Variants in SPTAN1 observed in about 807,000 individuals in gnomAD.
The protein encoded by SPTAN1 is spectrin alpha, non-erythrocytic 1.
SPTAN1 carries 61 observed loss-of-function variants against 331.3 expected under a neutral mutation model. The observed-to-expected ratio is 0.18, with a 90% confidence interval of 0.15 to 0.23. The LOEUF is 0.23. Among genes scored for constraint, SPTAN1 ranks in the 10% least tolerant of loss-of-function variants. The pLI, the probability that SPTAN1 is intolerant of heterozygous loss-of-function variation, is 1.00. For synonymous variants in SPTAN1, 1,153 were observed against 1,173.9 expected (o/e 0.98, Z 0.36); for missense variants, 2,043 against 3,147.9 (o/e 0.65, Z 8.40).
intron 45 of SPTAN1, among the ~76,000 whole-genome samples, chr9:128,622,315 T>G (rs949976010): frequency 1.3e-5 from 2 of 150,264 alleles, no homozygotes; most frequent in East Asian, 3.9e-4. Flanking sequence ...TTTTTTTTTT[T>G]TGCGACGGAG....
rs552950593 is a variant in SPTAN1 at position 128,585,683 on chromosome 9, A to G, written c.2561-65A>G. On this transcript the variant is annotated intron_variant, in intron 18 of 56. Coordinates refer to ENST00000372739, the MANE Select transcript of SPTAN1 (RefSeq NM_001130438.3). ...TGCCGTGAACACACAGAGAAAACTTATTTTTGTCCTTCTGTGATGTGTCAA... is the reference window on the plus strand; with the variant it reads ...TGCCGTGAACACACAGAGAAAACTTGTTTTTGTCCTTCTGTGATGTGTCAA... The G allele has an allele frequency of 1.2e-5, 17 of 1,379,678 alleles. No individual in the cohort carries two copies. The African/African-American group carries it at 2.3e-4, about 18-fold the overall frequency. 85.5% of individuals were successfully genotyped at this position (1,379,678 alleles called of 1,614,324 possible). A position where few individuals can be genotyped will look rare whatever the true frequency, so the allele number is the denominator to read the frequency against.
intron 1 of SPTAN1, among the ~76,000 whole-genome samples, chr9:128,555,913 C>T (rs1243784529): frequency 6.6e-6 from 1 of 151,994 alleles, no homozygotes; most frequent in Non-Finnish European, 1.5e-5. Flanking sequence ...TAGAGCTTAC[C>T]TTTTCATGTT....
Position 128,557,866 on chromosome 9 carries a change from C to T in SPTAN1, c.-4+5170C>T, listed in dbSNP as rs528191002. Among the ~76,000 whole-genome samples the T allele has an allele frequency of 4.6e-4, 65 of 140,750 alleles. 1 individual carries two copies. The South Asian group carries it at 5.0e-3, about 11-fold the overall frequency. 92.3% of individuals were successfully genotyped at this position (140,750 alleles called of 152,430 possible). A position where few individuals can be genotyped will look rare whatever the true frequency, so the allele number is the denominator to read the frequency against. On this transcript the variant is annotated intron_variant, in intron 1 of 56. Coordinates refer to ENST00000372739, the MANE Select transcript of SPTAN1 (RefSeq NM_001130438.3). ...TCGCCCAGGCTGGAGTGCAGTGGCG[C>T]GATCTCGGCTCACTGCAAGCTCCGC...
intron 11 of SPTAN1, among the ~76,000 whole-genome samples, chr9:128,581,486 A>C (rs1459425181): frequency 6.6e-6 from 1 of 150,598 alleles, no homozygotes; most frequent in African/African-American, 2.4e-5. Context: ...AAAAAAAAAA[A>C]AACAAACAAA....
chr9:128,600,974 C>CTTTTT lies in SPTAN1; in HGVS notation c.3579+882_3579+886dup, dbSNP rs60290370. Reference sequence around the variant, plus strand: ...CACAGCACACAGCCAGGGAGAAAGTCTTTTTTTTTTTTTTTTTTTTTTTTT... The same window carrying CTTTTT: ...CACAGCACACAGCCAGGGAGAAAGTCTTTTTTTTTTTTTTTTTTTTTTTTTTTTTT... On this transcript the variant is annotated intron_variant, in intron 27 of 56. Transcript: ENST00000372739. Among the ~76,000 whole-genome samples the CTTTTT allele has an allele frequency of 2.0e-4, 8 of 40,866 alleles. 1 individual carries two copies. The highest frequency in any genetic ancestry group is 5.3e-4 in the African/African-American group (6 of 11,326). The allele number at this position is 40,866 out of a possible 152,430, so 26.8% of individuals were successfully genotyped here.
intron 44 of SPTAN1, among the ~76,000 whole-genome samples, chr9:128,619,323 G>A (rs1473996877): frequency 1.3e-5 from 2 of 152,194 alleles, no homozygotes; most frequent in Non-Finnish European, 2.9e-5. Flanking sequence ...TGGCACGAAC[G>A]GAGTACCACA....
chr9:128,585,631 C>T lies in SPTAN1; in HGVS notation c.2561-117C>T, dbSNP rs1589223260. On this transcript the variant is annotated intron_variant, in intron 18 of 56. Transcript: ENST00000372739. ...AAAAAAATGGAATTATGAAAGGGCA[C>T]AGCTCACCAAAACATAGTAATGAAA... 9 of 862,960 alleles carry T rather than the reference C, an allele frequency of 1.0e-5. No individual in the cohort carries two copies. In the East Asian group the frequency reaches 2.3e-4, roughly 22 times the overall value. 53.5% of individuals were successfully genotyped at this position (862,960 alleles called of 1,614,324 possible).
intron 3 of SPTAN1, among the ~76,000 whole-genome samples, chr9:128,570,360 G>A (rs1450328849): frequency 1.8e-5 from 2 of 109,704 alleles, no homozygotes; most frequent in Admixed American, 1.1e-4. Flanking sequence ...TTTTTGAGAC[G>A]AAGTTTTGCT....
At chr9:128,602,739 G>A (rs1379555784) in intron 27 of SPTAN1, among the ~76,000 whole-genome samples, 1 of 151,736 alleles carries the variant, frequency 6.6e-6, no homozygotes, top group African/African-American at 2.4e-5. Context: ...AGGTTCAAGC[G>A]ATTCTCATGC....
chr9:128,594,511 A>G (rs1015324841), intron 24 of SPTAN1, 138 bp downstream of exon 24: 7 of 804,668 alleles, frequency 8.7e-6, no homozygotes, highest in South Asian at 3.3e-5. Flanking sequence ...GCTCACTGCA[A>G]CCTCTGCCTC....
intron 3 of SPTAN1, among the ~76,000 whole-genome samples, chr9:128,572,215 T>C (rs1850807093): frequency 2.0e-5 from 3 of 152,214 alleles, no homozygotes; most frequent in Admixed American, 2.0e-4. Context: ...GCTTAATGTT[T>C]CCACCATCTG....
intron 34 of SPTAN1, 90 bp downstream of exon 34, chr9:128,608,366 G>A: frequency 2.0e-6 from 3 of 1,509,382 alleles, no homozygotes; most frequent in Non-Finnish European, 2.7e-6. Context: ...ATATCTCCAA[G>A]GAATACCTGC....
chr9:128,612,150 G>A lies in SPTAN1; in HGVS notation c.4947G>A (p.Val1649=). The A allele has an allele frequency of 6.2e-7, 1 of 1,614,142 alleles. No homozygotes were observed. The highest frequency in any genetic ancestry group is 8.5e-7 in the Non-Finnish European group (1 of 1,180,046). Residue 1649 remains valine, a synonymous_variant, in exon 39 of 57, where the codon GTG becomes GTA. Transcript: ENST00000372739. ...TAGCTGACCAGTGGCAGTTCTTGGTGCAAAAGTCAGCGGAAAAGAGCCAGA... is the reference window on the plus strand; with the variant it reads ...TAGCTGACCAGTGGCAGTTCTTGGTACAAAAGTCAGCGGAAAAGAGCCAGA... The part of the protein sequence containing the change: ...AALADQWQFL[V]QKSAEKSQKL...
intron 21 of SPTAN1, among the ~76,000 whole-genome samples, chr9:128,589,575 CTT>C (rs57225212): frequency 0.93 from 98,750 of 106,518 alleles, 46,222 homozygotes; most frequent in Middle Eastern, 1. Context: ...CGTGCCCGGC[CTT>C]TTTTTTTTTT....
intron 1 of SPTAN1, among the ~76,000 whole-genome samples, chr9:128,556,374 T>G (rs2132662668): frequency 6.6e-6 from 1 of 152,304 alleles, no homozygotes; most frequent in East Asian, 1.9e-4. Flanking sequence ...TGTTTATAGG[T>G]GATAAATCCA....
At position 128,591,619 on chromosome 9, in the gene SPTAN1, A is replaced by G. The variant is rs1853538225; in HGVS notation, c.3149A>G (p.Asp1050Gly). Residue 1050 changes from aspartate to glycine, a missense_variant, in exon 22 of 57, where the codon GAC becomes GGC. Coordinates refer to ENST00000372739, the MANE Select transcript of SPTAN1 (RefSeq NM_001130438.3). Reference sequence around the variant, plus strand: ...ATAGCACTGCGGCAGGAGCAGATTGACAATCAGTAAGGATGACACTGGGGG... The same window carrying G: ...ATAGCACTGCGGCAGGAGCAGATTGGCAATCAGTAAGGATGACACTGGGGG... ...GSIALRQEQI[D>G]NQTRITKEAG... 1 of 1,614,032 alleles carries G rather than the reference A, an allele frequency of 6.2e-7. No individual in the cohort carries two copies. Among genetic ancestry groups the G allele is most frequent in the South Asian group, 1.1e-5 (1 of 91,076 alleles).
chr9:128,631,388 TG>T (rs1859701152), intron 52 of SPTAN1: 1 of 151,524 alleles, frequency 6.6e-6, no homozygotes, highest in Non-Finnish European at 1.5e-5. Context: ...GATTCTGGGA[TG>T]CGGAGGTTGC....
At position 128,578,156 on chromosome 9, in the gene SPTAN1, A is replaced by G. The variant is rs775533851; in HGVS notation, c.1132A>G (p.Thr378Ala). The change falls in exon 9 of 57, where the codon ACT (threonine) becomes GCT (alanine). Residue 378 changes from threonine (T) to alanine (A), a missense_variant. This residue lies in a region of SPTAN1 where 1,038 missense variants were observed against 1,531.5 expected (regional missense o/e 0.68). Coordinates refer to ENST00000372739, the MANE Select transcript of SPTAN1 (RefSeq NM_001130438.3). ...CTTCCGTGACCTCACCAGCTGGGTG[A>G]CTGAGATGAAAGCCCTCATCAATGC... is the stretch of plus-strand genomic sequence containing the variant. ...ADFRDLTSWV[T>A]EMKALINADE... The G allele has an allele frequency of 6.2e-7, 1 of 1,614,128 alleles. No homozygotes were observed. Among genetic ancestry groups the G allele is most frequent in the Non-Finnish European group, 8.5e-7 (1 of 1,180,030 alleles).
intron 27 of SPTAN1, among the ~76,000 whole-genome samples, chr9:128,601,950 C>A (rs145893135): frequency 6.6e-6 from 1 of 152,168 alleles, no homozygotes; most frequent in Non-Finnish European, 1.5e-5. Context: ...CCTTTTCTTA[C>A]GTAGCAAAAC....
Sources: allele counts gnomAD v4.1 joint callset (sites outside exome capture counted in the v4.1 genomes callset), GRCh38; gene constraint gnomAD v4.1.1; regional missense constraint gnomAD v4.1.1; transcripts MANE v1.5; gene names NCBI Gene and HGNC (gene_info 2026-07-23, HGNC 2026-07-21).